The following KCNMA1 variants were observed in gnomAD, a reference collection of about 807,000 sequenced individuals.
KCNMA1 encodes the protein Calcium-activated potassium channel subunit alpha-1.
In KCNMA1, 29 loss-of-function variants were observed where a neutral mutation model predicts 140.0. The observed-to-expected ratio is 0.21, with a 90% CI of 0.15 to 0.28. The LOEUF (loss-of-function observed/expected upper bound fraction) is 0.28, where lower values mean the gene tolerates loss of function less well. Among genes scored for constraint, KCNMA1 ranks in the 10% least tolerant of loss-of-function variants. KCNMA1 has a pLI of 1.00. For missense variants in KCNMA1, 880 were observed against 1,602.2 expected (o/e 0.55, Z 7.70); for synonymous variants, 612 against 611.9 (o/e 1.00, Z 0.00).
At chr10:77,095,185 G>A (rs1304175837) in intron 9 of KCNMA1, among the ~76,000 whole-genome samples, 2 of 152,174 alleles carry the variant, frequency 1.3e-5, no homozygotes, top group South Asian at 4.1e-4. Flanking sequence ...GACCATCAGC[G>A]ATTGTCCTGA....
intron 23 of KCNMA1, among the ~76,000 whole-genome samples, chr10:76,923,260 G>C (rs1014040279): frequency 1.3e-5 from 2 of 152,014 alleles, no homozygotes; most frequent in African/African-American, 4.8e-5. Context: ...TACAGGACTT[G>C]TCTCTCCAAG....
At chr10:76,925,565 T>C (rs756806673) in intron 23 of KCNMA1, among the ~76,000 whole-genome samples, 2 of 152,190 alleles carry the variant, frequency 1.3e-5, no homozygotes, top group African/African-American at 2.4e-5. Context: ...TTTGCAAGCA[T>C]TAATCAAAGA....
chr10:77,046,025 C>T (rs1011705076), intron 14 of KCNMA1, among the ~76,000 whole-genome samples: 1 of 152,102 alleles, frequency 6.6e-6, no homozygotes, highest in African/African-American at 2.4e-5. Context: ...ATTATAAAAA[C>T]CAATGACCAT....
chr10:77,333,104 G>A (rs952430835), intron 2 of KCNMA1, among the ~76,000 whole-genome samples: 3 of 152,096 alleles, frequency 2.0e-5, no homozygotes, highest in Non-Finnish European at 2.9e-5. Context: ...GGAAGGTCTC[G>A]GTTCTGCCAG....
chr10:77,407,515 C>T (rs1303414835), intron 1 of KCNMA1, among the ~76,000 whole-genome samples: 1 of 152,232 alleles, frequency 6.6e-6, no homozygotes, highest in African/African-American at 2.4e-5. Flanking sequence ...CCTTATAATA[C>T]ATCCAACAGG....
At chr10:77,584,441 G>A (rs1026858847) in intron 1 of KCNMA1, among the ~76,000 whole-genome samples, 88 of 152,174 alleles carry the variant, frequency 5.8e-4, no homozygotes, top group African/African-American at 2.0e-3. Flanking sequence ...TGCAACCCCT[G>A]CCTCCCAGGT....
chr10:77,286,152 A>C lies in KCNMA1; in HGVS notation c.541-34896T>G, dbSNP rs376346551. On this transcript the variant is annotated intron_variant, in intron 2 of 27. Transcript: ENST00000286628. ...CTTTAAATCTCATTCTTTAAAGTTC[A>C]ATTTTTAAATTGAACTTTATTTCAC... Among the ~76,000 whole-genome samples, 14 of 152,240 alleles carry C rather than the reference A, an allele frequency of 9.2e-5. No homozygotes were observed. In the South Asian group the frequency reaches 2.7e-3, roughly 29 times the overall value.
intron 1 of KCNMA1, among the ~76,000 whole-genome samples, chr10:77,473,619 G>A (rs1191122557): frequency 1.3e-5 from 2 of 152,194 alleles, no homozygotes; most frequent in Non-Finnish European, 2.9e-5. Context: ...TTTAAGAAGA[G>A]GTGGATGGTC....
At chr10:77,610,998 C>A (rs2086657289) in intron 1 of KCNMA1, among the ~76,000 whole-genome samples, 1 of 152,204 alleles carries the variant, frequency 6.6e-6, no homozygotes, top group African/African-American at 2.4e-5. Context: ...GTGAACTGAG[C>A]CAAATTACTT....
At chr10:76,915,754 G>A (rs1405116045) in intron 23 of KCNMA1, among the ~76,000 whole-genome samples, 3 of 152,148 alleles carry the variant, frequency 2.0e-5, no homozygotes, top group African/African-American at 7.2e-5. Context: ...AATGGGAGGT[G>A]TCAGGAAATC....
At chr10:77,252,556 T>C (rs576540886) in intron 2 of KCNMA1, among the ~76,000 whole-genome samples, 48 of 149,316 alleles carry the variant, frequency 3.2e-4, no homozygotes, top group African/African-American at 1.1e-3. Flanking sequence ...TGTGTGTGTG[T>C]GCGGGCACGT....
At chr10:77,112,519 C>A in intron 6 of KCNMA1, 77 bp from the exon 7 acceptor site, 3 of 1,022,816 alleles carry the variant, frequency 2.9e-6, no homozygotes, top group Non-Finnish European at 3.1e-6. Flanking sequence ...AGGGTAACAG[C>A]ACCCGCTTAG....
intron 1 of KCNMA1, among the ~76,000 whole-genome samples, chr10:77,570,488 C>CA (rs1320403333): frequency 6.8e-6 from 1 of 146,196 alleles, no homozygotes; most frequent in Admixed American, 6.9e-5. Flanking sequence ...ATCTCAAGAA[C>CA]AAAAAACCAA....
chr10:77,070,995 G>A (rs575690216), intron 14 of KCNMA1, among the ~76,000 whole-genome samples: 6 of 152,270 alleles, frequency 3.9e-5, no homozygotes, highest in Non-Finnish European at 8.8e-5. Context: ...CCAAACAGGC[G>A]GGAATTGGCC....
intron 15 of KCNMA1, among the ~76,000 whole-genome samples, chr10:77,030,012 T>A (rs754572851): frequency 8.5e-5 from 13 of 152,190 alleles, no homozygotes; most frequent in Non-Finnish European, 1.9e-4. Flanking sequence ...GATAGGGGGA[T>A]GTGTTGCTTT....
At chr10:77,455,654 G>A (rs1375857344) in intron 1 of KCNMA1, among the ~76,000 whole-genome samples, 4 of 152,178 alleles carry the variant, frequency 2.6e-5, no homozygotes, top group Admixed American at 1.3e-4. Flanking sequence ...CACTACTCCC[G>A]GTTCCCCTCC....
chr10:77,637,014 A>G (rs2093820894), intron 1 of KCNMA1: 3 of 1,409,870 alleles, frequency 2.1e-6, no homozygotes, highest in Non-Finnish European at 2.8e-6. Context: ...ACCCTACAAT[A>G]AACAAGAGGA....
At chr10:76,898,858 T>TA (rs572262728) in intron 25 of KCNMA1, among the ~76,000 whole-genome samples, 2 of 151,704 alleles carry the variant, frequency 1.3e-5, no homozygotes, top group East Asian at 1.9e-4. Context: ...ATTCTTTTTT[T>TA]AAAAAAAAGC....
intron 19 of KCNMA1, among the ~76,000 whole-genome samples, chr10:76,973,458 A>G (rs939754162): frequency 6.6e-6 from 1 of 152,214 alleles, no homozygotes; most frequent in Admixed American, 6.5e-5. Flanking sequence ...AAGTCTAATG[A>G]GGCTTCAGAT....
Sources: allele counts gnomAD v4.1 joint callset (sites outside exome capture counted in the v4.1 genomes callset), GRCh38; gene constraint gnomAD v4.1.1; transcripts MANE v1.5; gene names NCBI Gene and HGNC (gene_info 2026-07-23, HGNC 2026-07-21).